The following CES5A variants were observed in gnomAD, a reference collection of about 807,000 sequenced individuals.
CES5A encodes carboxylesterase 5.
CES5A carries 67 observed loss-of-function variants against 62.9 expected under a neutral mutation model. The ratio of observed to expected loss-of-function variants is 1.07; its 90% CI spans 0.88 to 1.31. The LOEUF is 1.31. CES5A is among the 50% of genes most tolerant of loss of function. The pLI is 0.00. For missense variants in CES5A, 748 were observed against 708.5 expected (o/e 1.06, Z -0.63); for synonymous variants, 296 against 280.8 (o/e 1.05, Z -0.54).
At chr16:55,918,100 C>T (rs961222986) in intron 1 of CES5A, among the ~76,000 whole-genome samples, 12 of 152,250 alleles carry the variant, frequency 7.9e-5, no homozygotes, top group African/African-American at 2.9e-4. Context: ...TGGGCAGGCA[C>T]AGAGGTACCT....
exon 1 of CES5A, chr16:55,955,892 T>C (rs2034605039): frequency 6.5e-7 from 1 of 1,536,056 alleles, no homozygotes; most frequent in East Asian, 2.4e-5. Context: ...CCATCAGACT[T>C]GCCCTTGGTC....
intron 9 of CES5A, among the ~76,000 whole-genome samples, chr16:55,853,919 C>G (rs1364168606): frequency 2.0e-5 from 3 of 152,162 alleles, no homozygotes. Context: ...AATTTGGAGG[C>G]AAGGAAGTGT....
At chr16:55,857,317 A>G (rs2033262307) in intron 8 of CES5A, among the ~76,000 whole-genome samples, 1 of 152,218 alleles carries the variant, frequency 6.6e-6, no homozygotes. Context: ...TTACAATGGT[A>G]CTTGGTATGT....
At chr16:55,937,008 A>G (rs937572516) in intron 2 of CES5A, among the ~76,000 whole-genome samples, 1 of 152,228 alleles carries the variant, frequency 6.6e-6, no homozygotes, top group Admixed American at 6.5e-5. Flanking sequence ...CAAATGGGCT[A>G]CAAGAGACCA....
At chr16:55,881,318 G>T (rs561871704) in intron 1 of CES5A, among the ~76,000 whole-genome samples, 2 of 152,288 alleles carry the variant, frequency 1.3e-5, no homozygotes, top group South Asian at 4.2e-4. Context: ...GGAGAAAAGG[G>T]ATTTCCTAGT....
intron 1 of CES5A, among the ~76,000 whole-genome samples, chr16:55,915,885 T>A (rs912858940): frequency 2.0e-5 from 3 of 152,196 alleles, no homozygotes; most frequent in Non-Finnish European, 2.9e-5. Context: ...AGATCTCTAG[T>A]TCAGACAATA....
intron 1 of CES5A, among the ~76,000 whole-genome samples, chr16:55,904,283 T>A (rs1194004817): frequency 6.6e-6 from 1 of 152,234 alleles, no homozygotes; most frequent in Admixed American, 6.5e-5. Flanking sequence ...AGGCTAGAAA[T>A]GAAATATAAT....
At chr16:55,939,060 C>G (rs1293169818) in intron 2 of CES5A, among the ~76,000 whole-genome samples, 1 of 151,784 alleles carries the variant, frequency 6.6e-6, no homozygotes, top group Non-Finnish European at 1.5e-5. Flanking sequence ...GTTTGTCTTT[C>G]TCTTTTCTAG....
At chr16:55,856,711 G>A (rs2033251429) in intron 8 of CES5A, among the ~76,000 whole-genome samples, 1 of 152,218 alleles carries the variant, frequency 6.6e-6, no homozygotes, top group Non-Finnish European at 1.5e-5. Context: ...CCCATTATGG[G>A]CTTAATTGTG....
intron 2 of CES5A, among the ~76,000 whole-genome samples, chr16:55,940,941 T>A (rs1291891964): frequency 6.6e-6 from 1 of 151,308 alleles, no homozygotes; most frequent in Non-Finnish European, 1.5e-5. Flanking sequence ...TTTGACAAAA[T>A]GCAACAATTC....
chr16:55,895,421 G>A (rs1475231387), intron 1 of CES5A, among the ~76,000 whole-genome samples: 4 of 152,246 alleles, frequency 2.6e-5, no homozygotes, highest in African/African-American at 9.6e-5. Flanking sequence ...ACACCAGTGT[G>A]TTTTGGATTT....
At chr16:55,848,786 T>G (rs951575666) in intron 11 of CES5A, among the ~76,000 whole-genome samples, 2 of 152,232 alleles carry the variant, frequency 1.3e-5, no homozygotes, top group African/African-American at 4.8e-5. Flanking sequence ...TTACATAGTA[T>G]GGGCTCAGGA....
chr16:55,917,645 C>T (rs1385694954), intron 1 of CES5A, among the ~76,000 whole-genome samples: 2 of 152,136 alleles, frequency 1.3e-5, no homozygotes, highest in Non-Finnish European at 2.9e-5. Context: ...AATGAGAGAA[C>T]AAGAAAGAGT....
chr16:55,850,325 G>C (rs1204708229), intron 10 of CES5A, among the ~76,000 whole-genome samples: 1 of 152,160 alleles, frequency 6.6e-6, no homozygotes, highest in Admixed American at 6.5e-5. Flanking sequence ...TTTAGGTCCA[G>C]AACCTTTTCA....
At chr16:55,936,611 C>T (rs1161429922) in intron 2 of CES5A, among the ~76,000 whole-genome samples, 1 of 152,126 alleles carries the variant, frequency 6.6e-6, no homozygotes, top group African/African-American at 2.4e-5. Context: ...AGTAGGTGCT[C>T]CTCTAATCCC....
At chr16:55,883,345 C>T (rs1434119945) in intron 1 of CES5A, among the ~76,000 whole-genome samples, 1 of 152,162 alleles carries the variant, frequency 6.6e-6, no homozygotes, top group African/African-American at 2.4e-5. Context: ...CAGGATGGCT[C>T]ACTGCAACCT....
intron 4 of CES5A, among the ~76,000 whole-genome samples, chr16:55,867,667 A>T (rs1389220468): frequency 1.3e-5 from 2 of 152,150 alleles, no homozygotes; most frequent in African/African-American, 2.4e-5. Flanking sequence ...CCTGAGAAGC[A>T]TTATACCTTA....
At chr16:55,858,381 T>G (rs1241638082) in intron 8 of CES5A, among the ~76,000 whole-genome samples, 3 of 152,184 alleles carry the variant, frequency 2.0e-5, no homozygotes, top group African/African-American at 7.2e-5. Flanking sequence ...AGCCTGTGCT[T>G]GGCACTGGAA....
intron 1 of CES5A, among the ~76,000 whole-genome samples, chr16:55,912,956 C>T (rs2034109885): frequency 6.6e-6 from 1 of 152,206 alleles, no homozygotes; most frequent in Non-Finnish European, 1.5e-5. Flanking sequence ...TCACCCAGCA[C>T]CTTGTAACTG....
Sources: gnomAD v4.1 joint callset for allele counts (sites outside exome capture counted in the v4.1 genomes callset) on GRCh38, gnomAD v4.1.1 for gene constraint, MANE v1.5 for transcripts, NCBI Gene and HGNC (gene_info 2026-07-23, HGNC 2026-07-21) for gene names.